TRIM58: variants seen among roughly 807,000 people sequenced by gnomAD.
TRIM58 encodes the protein tripartite motif containing 58.
Under a neutral mutation model 34.1 loss-of-function variants are expected in TRIM58, and 38 were observed. That is an observed-to-expected ratio of 1.12 (90% CI 0.86 to 1.46). TRIM58 has a LOEUF of 1.46. Among genes scored for constraint, TRIM58 ranks in the 40% most tolerant of loss-of-function variants. TRIM58 has a pLI of 0.00. For synonymous variants in TRIM58, 273 were observed against 275.7 expected (o/e 0.99, Z 0.10); for missense variants, 677 against 642.0 (o/e 1.05, Z -0.59).
chr1:247,861,061 A>G (rs1260398941), intron 2 of TRIM58, among the ~76,000 whole-genome samples: 1 of 152,248 alleles, frequency 6.6e-6, no homozygotes, highest in East Asian at 1.9e-4. Context: ...TGAATATTTC[A>G]CAACTTTGTA....
chr1:247,874,306 T>C (rs940303677), intron 5 of TRIM58, among the ~76,000 whole-genome samples: 1 of 152,088 alleles, frequency 6.6e-6, no homozygotes, highest in Non-Finnish European at 1.5e-5. Flanking sequence ...AGGGAAGCAG[T>C]GAAGTGGGGA....
intron 2 of TRIM58, 119 bp from the exon 3 acceptor site, chr1:247,864,586 C>T: frequency 2.0e-6 from 2 of 980,040 alleles, no homozygotes; most frequent in Non-Finnish European, 3.0e-6. Context: ...AGGATGCAAC[C>T]AGTGAGTCCA....
At chr1:247,870,240 G>A (rs1014097223) in intron 5 of TRIM58, among the ~76,000 whole-genome samples, 1 of 152,162 alleles carries the variant, frequency 6.6e-6, no homozygotes, top group African/African-American at 2.4e-5. Flanking sequence ...AAATTCCCTG[G>A]TCTCCTTCCG....
chr1:247,857,682 G>A lies in TRIM58; in HGVS notation c.420+16G>A. The A allele has an allele frequency of 8.2e-7, 1 of 1,221,196 alleles. No homozygotes were observed. The highest frequency in any genetic ancestry group is 1.0e-6 in the Non-Finnish European group (1 of 980,908). 75.6% of individuals were successfully genotyped at this position (1,221,196 alleles called of 1,614,324 possible). On this transcript the variant is annotated intron_variant, in intron 1 of 5. Transcript: ENST00000366481. ...CAGCTACCAGGTGAGGCGCCCCCCG[G>A]CGGGGGCTGCGGGCGCTGCGGTGAC...
At chr1:247,875,088 A>G (rs1052610340) in intron 5 of TRIM58, among the ~76,000 whole-genome samples, 3 of 152,124 alleles carry the variant, frequency 2.0e-5, no homozygotes, top group South Asian at 2.1e-4. Context: ...CACCAACCCA[A>G]TAGCCAGAGA....
intron 1 of TRIM58, among the ~76,000 whole-genome samples, chr1:247,859,614 C>T (rs1289680508): frequency 6.6e-6 from 1 of 151,958 alleles, no homozygotes; most frequent in Non-Finnish European, 1.5e-5. Flanking sequence ...GCAAGGTTTA[C>T]AACATACTGT....
At position 247,860,621 on chromosome 1, in the gene TRIM58, A is replaced by C. The variant is rs139660935; in HGVS notation, c.425A>C (p.Lys142Thr). Residue 142 changes from lysine to threonine, a missense_variant, in exon 2 of 6, where the codon AAG (lysine) becomes ACG (threonine). Transcript: ENST00000366481. The stretch of plus-strand genomic sequence containing the variant: ...AGCTGAAATGTTCCCAAACAGGTAA[A>C]GCTCCAGATGGCTCTGGAACTTATG... ...LQEAAGSYQV[K>T]LQMALELMRK... The C allele has an allele frequency of 9.3e-6, 15 of 1,612,818 alleles. No individual in the cohort carries two copies. Among genetic ancestry groups the C allele is most frequent in the Non-Finnish European group, 1.3e-5 (15 of 1,179,288 alleles).
At chr1:247,871,457 TACAATTTCATTTTAAA>T (rs569487116) in intron 5 of TRIM58, among the ~76,000 whole-genome samples, 217 of 152,350 alleles carry the variant, frequency 1.4e-3, no homozygotes, top group Middle Eastern at 3.4e-3. Flanking sequence ...CAGTATTGTT[TACAATTTCATTTTAAA>T]ATCTAATTTA....
rs1463936062 is a variant in TRIM58 at position 247,868,970 on chromosome 1, G to C, written c.871+907G>C. Among the ~76,000 whole-genome samples the C allele has an allele frequency of 6.6e-5, 10 of 152,254 alleles. No homozygotes were observed. In the South Asian group the frequency reaches 8.3e-4, roughly 13 times the overall value. On this transcript the variant is annotated intron_variant, in intron 5 of 5. Coordinates refer to ENST00000366481, the MANE Select transcript of TRIM58 (RefSeq NM_015431.4). ...GCTGGAGTGCAGTGGCGCCATCTCA[G>C]CTCACTGCAACCTCCACCTCCCATG...
Position 247,860,703 on chromosome 1 carries a change from C to T in TRIM58, c.507C>T (p.Val169=). 1 of 1,612,934 alleles carries T rather than the reference C, an allele frequency of 6.2e-7. No individual in the cohort carries two copies. The highest frequency in any genetic ancestry group is 8.5e-7 in the Non-Finnish European group (1 of 1,179,118). The part of the protein sequence containing the change: ...TQEANVGKKT[V]IWKEKVEMQR... ...AGGCCAACGTGGGGAAAAAGACTGT[C>T]ATTTGGAAGGTAAGACCATGTTGGG... Residue 169 remains valine (V), a synonymous_variant, in exon 2 of 6, where the codon GTC becomes GTT. Coordinates refer to ENST00000366481, the MANE Select transcript of TRIM58 (RefSeq NM_015431.4).
Position 247,875,918 on chromosome 1 carries a change from C to T in TRIM58, c.890C>T (p.Pro297Leu), listed in dbSNP as rs1406107876. 8.1e-6 allele frequency: 13 copies of T among 1,611,546 alleles called. No individual in the cohort carries two copies. The Admixed American group carries it at 2.2e-4, about 27-fold the overall frequency. Residue 297 changes from proline to leucine, a missense_variant, in exon 6 of 6, where the codon CCC becomes CTC. Coordinates refer to ENST00000366481, the MANE Select transcript of TRIM58 (RefSeq NM_015431.4). ...RKFQVDVKLD[P>L]ATAHPSLLLT... ...TCCGCAGTGGATGTAAAGCTGGATC[C>T]CGCCACGGCGCACCCGAGTCTGCTC...
chr1:247,873,394 T>C (rs976848639), intron 5 of TRIM58, among the ~76,000 whole-genome samples: 12 of 152,102 alleles, frequency 7.9e-5, no homozygotes, highest in Non-Finnish European at 1.3e-4. Context: ...CAAAAGCCAT[T>C]TCACAGATCT....
intron 2 of TRIM58, among the ~76,000 whole-genome samples, chr1:247,862,826 C>A (rs11204525): frequency 0.12 from 18,067 of 152,112 alleles, 1,331 homozygotes; most frequent in African/African-American, 0.19. Context: ...ACTGCAAAAC[C>A]ACCTTTCCTT....
At chr1:247,862,106 C>T (rs551317937) in intron 2 of TRIM58, among the ~76,000 whole-genome samples, 15 of 151,752 alleles carry the variant, frequency 9.9e-5, no homozygotes, top group African/African-American at 3.6e-4. Flanking sequence ...CCAGCCTGGG[C>T]AACAAGAGTG....
intron 1 of TRIM58, among the ~76,000 whole-genome samples, chr1:247,859,187 C>T (rs1444700706): frequency 2.6e-5 from 4 of 152,230 alleles, no homozygotes; most frequent in Admixed American, 2.0e-4. Flanking sequence ...TTCCATAGCT[C>T]TCTTGTCTTA....
rs921732068 is a variant in TRIM58 at position 247,857,372 on chromosome 1, G to A, written c.126G>A (p.Glu42=). Residue 42 remains glutamate (E), a synonymous_variant, in exon 1 of 6, where the codon GAG becomes GAA. Coordinates refer to ENST00000366481, the MANE Select transcript of TRIM58 (RefSeq NM_015431.4). ...GCTTCTGCCTCAGGTGCATCTCCGA[G>A]TTCTGCGAGAAGTCGGACGGCGCGC... ...GHSFCLRCIS[E]FCEKSDGAQG... is the part of the protein sequence containing the mutation. 1 of 1,526,492 alleles carries A rather than the reference G, an allele frequency of 6.6e-7. No homozygotes were observed. Among genetic ancestry groups the A allele is most frequent in the Non-Finnish European group, 8.8e-7 (1 of 1,135,760 alleles). The allele number at this position is 1,526,492 out of a possible 1,614,324, so 94.6% of individuals were successfully genotyped here.
rs775876778 is a variant in TRIM58, at chr1:247,875,952, C to A, written c.924C>A (p.Ala308=). ...CGCACCCGAGTCTGCTCTTGACCGC[C>A]GACCTGCGCAGTGTGCAGGATGGAG... ...ATAHPSLLLT[A]DLRSVQDGEP... Residue 308 remains alanine, a synonymous_variant, in exon 6 of 6, where the codon GCC becomes GCA. Transcript: ENST00000366481. The A allele has an allele frequency of 6.2e-7, 1 of 1,614,120 alleles. No homozygotes were observed. The highest frequency in any genetic ancestry group is 1.1e-5 in the South Asian group (1 of 91,054).
At chr1:247,865,533 G>A (rs766610509) in intron 3 of TRIM58, among the ~76,000 whole-genome samples, 27 of 152,162 alleles carry the variant, frequency 1.8e-4, no homozygotes, top group Admixed American at 4.6e-4. Flanking sequence ...TTGTTATATT[G>A]GATTGTAAAG....
intron 1 of TRIM58, among the ~76,000 whole-genome samples, chr1:247,858,227 T>C (rs1411011444): frequency 6.6e-6 from 1 of 152,106 alleles, no homozygotes; most frequent in Non-Finnish European, 1.5e-5. Context: ...TGGCTCTCCA[T>C]CAGCAGGGAT....
Sources: allele counts gnomAD v4.1 joint callset (sites outside exome capture counted in the v4.1 genomes callset), GRCh38; gene constraint gnomAD v4.1.1; transcripts MANE v1.5; gene names NCBI Gene and HGNC (gene_info 2026-07-23, HGNC 2026-07-21).